GRIK3: variants seen among roughly 807,000 people sequenced by gnomAD.
GRIK3 encodes the protein glutamate receptor ionotropic, kainate 3.
In GRIK3, 29 loss-of-function variants were observed where a neutral mutation model predicts 102.5. The observed-to-expected ratio is 0.28, with a 90% CI of 0.21 to 0.39. The LOEUF (loss-of-function observed/expected upper bound fraction) is 0.39, where lower values mean the gene tolerates loss of function less well. GRIK3 is among the 10% of genes least tolerant of loss of function. GRIK3 has a pLI of 1.00. For missense variants in GRIK3, 908 were observed against 1,252.4 expected (o/e 0.73, Z 4.15); for synonymous variants, 511 against 504.9 (o/e 1.01, Z -0.16).
intron 1 of GRIK3, among the ~76,000 whole-genome samples, chr1:36,921,144 G>T (rs889450734): frequency 1.1e-4 from 16 of 152,266 alleles, no homozygotes; most frequent in African/African-American, 3.9e-4. Context: ...GCCATCCTTT[G>T]CTTTTGAAAA....
rs547576949 is a variant in GRIK3 at position 36,981,024 on chromosome 1, T to C, written c.115+52970A>G. Among the ~76,000 whole-genome samples, 135 of 152,362 alleles carry C rather than the reference T, an allele frequency of 8.9e-4. 1 individual carries two copies. The highest frequency in any genetic ancestry group is 3.1e-3 in the African/African-American group (129 of 41,578). ...GCTGAAACATACTGATTGCTGGATGTATACCAGCACTAAGTGTTTTACGTG... is the reference window on the plus strand; with the variant it reads ...GCTGAAACATACTGATTGCTGGATGCATACCAGCACTAAGTGTTTTACGTG... On this transcript the variant is annotated intron_variant, in intron 1 of 15. Transcript: ENST00000373091.
intron 9 of GRIK3, among the ~76,000 whole-genome samples, chr1:36,845,375 G>A (rs1384117994): frequency 6.6e-6 from 1 of 152,164 alleles, no homozygotes; most frequent in African/African-American, 2.4e-5. Flanking sequence ...CGGAAAACAG[G>A]GGTCCAGAAA....
chr1:36,863,889 A>C (rs979332643), intron 5 of GRIK3, among the ~76,000 whole-genome samples: 1 of 152,172 alleles, frequency 6.6e-6, no homozygotes, highest in African/African-American at 2.4e-5. Context: ...GCACTTAAGC[A>C]TCACTGAGAA....
chr1:36,850,835 TG>T lies in GRIK3; in HGVS notation c.1213-412del, dbSNP rs1309816143. Among the ~76,000 whole-genome samples the T allele has an allele frequency of 6.6e-6, 1 of 152,172 alleles. No homozygotes were observed. The highest frequency in any genetic ancestry group is 1.9e-4 in the East Asian group (1 of 5,180). ...TGGGACACAGTCTTTGTGGCTGTTT[TG>T]GGGTGGCAGCACAAGGAGGGGATGG... is the stretch of plus-strand genomic sequence containing the variant. On this transcript the variant is annotated intron_variant, in intron 8 of 15. Transcript: ENST00000373091. The surrounding 1 kb of genome is among the most constrained non-coding windows in gnomAD (Gnocchi z 4.0).
At chr1:36,946,130 G>A (rs1190911153) in intron 1 of GRIK3, among the ~76,000 whole-genome samples, 1 of 151,860 alleles carries the variant, frequency 6.6e-6, no homozygotes, top group Non-Finnish European at 1.5e-5. Flanking sequence ...GGTGCCTGAA[G>A]TTCCTCCATT....
chr1:37,010,257 A>G (rs1642579793), intron 1 of GRIK3, among the ~76,000 whole-genome samples: 1 of 152,238 alleles, frequency 6.6e-6, no homozygotes, highest in Admixed American at 6.5e-5. Flanking sequence ...TCAATCTCCC[A>G]GAGTTGCCTG....
chr1:37,010,692 C>A (rs77558132), intron 1 of GRIK3, among the ~76,000 whole-genome samples: 2 of 150,628 alleles, frequency 1.3e-5, no homozygotes, highest in East Asian at 3.9e-4. Context: ...CGAGTCACTG[C>A]GCCATCGCAG....
intron 13 of GRIK3, among the ~76,000 whole-genome samples, chr1:36,813,153 C>G (rs1467904691): frequency 6.6e-6 from 1 of 152,198 alleles, no homozygotes; most frequent in Non-Finnish European, 1.5e-5. Context: ...GTTCAAATCC[C>G]AGCTCTGCAT....
Position 36,880,560 on chromosome 1 carries a change from C to T in GRIK3, c.550+74G>A. 2.8e-6 allele frequency: 4 copies of T among 1,449,602 alleles called. No individual in the cohort carries two copies. The highest frequency in any genetic ancestry group is 2.3e-5 in the East Asian group (1 of 44,072). The allele number at this position is 1,449,602 out of a possible 1,614,324, so 89.8% of individuals were successfully genotyped here. On this transcript the variant is annotated intron_variant, in intron 3 of 15. Coordinates refer to ENST00000373091, the MANE Select transcript of GRIK3 (RefSeq NM_000831.4). The surrounding 1 kb of genome is among the most constrained non-coding windows in gnomAD (Gnocchi z 5.4). ...CCCCAGGGCAGCTGTGCTGAACAAA[C>T]AGACAAGAGCTTGATCCTGGGCCTC...
intron 1 of GRIK3, among the ~76,000 whole-genome samples, chr1:36,904,937 A>T (rs913792485): frequency 6.6e-6 from 1 of 152,186 alleles, no homozygotes; most frequent in African/African-American, 2.4e-5. Context: ...TGTTGTTGCA[A>T]TCAGAAAAGA....
chr1:36,880,761 C>A lies in GRIK3; in HGVS notation c.423G>T (p.Pro141=). Residue 141 remains proline, a synonymous_variant, in exon 3 of 16, where the codon CCG becomes CCT. Transcript: ENST00000373091. This position sits in a 1 kb window ranked among gnomAD's most constrained non-coding sequence, Gnocchi z 5.4. ...PHIQLRWKHH[P]LDNKDTFYVN... ...CGTAGAAGGTGTCCTTGTTGTCCAG[C>A]GGGTGGTGCTTCCAACGCAGCTGGA... The A allele has an allele frequency of 1.2e-6, 2 of 1,614,120 alleles. No homozygotes were observed. Among genetic ancestry groups the A allele is most frequent in the Admixed American group, 1.7e-5 (1 of 60,022 alleles).
chr1:36,899,988 T>C (rs1478701136), intron 1 of GRIK3, among the ~76,000 whole-genome samples: 1 of 152,210 alleles, frequency 6.6e-6, no homozygotes, highest in Non-Finnish European at 1.5e-5. Flanking sequence ...AATGGACTGA[T>C]CCAGTTGACA....
intron 8 of GRIK3, among the ~76,000 whole-genome samples, chr1:36,852,454 T>C (rs1382346565): frequency 6.6e-6 from 1 of 152,066 alleles, no homozygotes; most frequent in Non-Finnish European, 1.5e-5. Flanking sequence ...CAGGGAAATG[T>C]GGAAACGAGG....
At chr1:36,905,734 G>T (rs1482301476) in intron 1 of GRIK3, among the ~76,000 whole-genome samples, 1 of 152,026 alleles carries the variant, frequency 6.6e-6, no homozygotes, top group African/African-American at 2.4e-5. Context: ...GTGTTTTCTT[G>T]ATTTTTCCAA....
chr1:36,908,913 G>A (rs1570792888), intron 1 of GRIK3, among the ~76,000 whole-genome samples: 1 of 151,978 alleles, frequency 6.6e-6, no homozygotes, highest in Non-Finnish European at 1.5e-5. Context: ...AGCCCAACGG[G>A]TAAAACAAAT....
At chr1:36,874,469 G>A (rs1423252896) in intron 3 of GRIK3, among the ~76,000 whole-genome samples, 2 of 152,150 alleles carry the variant, frequency 1.3e-5, no homozygotes, top group Non-Finnish European at 2.9e-5. Flanking sequence ...GATCAAACAG[G>A]TGCCCTGTGC....
At chr1:36,957,946 T>C (rs1047490853) in intron 1 of GRIK3, among the ~76,000 whole-genome samples, 2 of 21,634 alleles carry the variant, frequency 9.2e-5, no homozygotes, top group Non-Finnish European at 1.8e-4. Flanking sequence ...AGCCTGTGTG[T>C]CCCATGACTC....
chr1:36,881,552 C>T (rs1640977084), intron 2 of GRIK3, among the ~76,000 whole-genome samples: 1 of 152,156 alleles, frequency 6.6e-6, no homozygotes, highest in Non-Finnish European at 1.5e-5. Context: ...TGTGGCTTCA[C>T]CTGCAAAATA....
chr1:36,869,240 G>A (rs889398980), intron 5 of GRIK3, among the ~76,000 whole-genome samples: 2 of 152,188 alleles, frequency 1.3e-5, no homozygotes, highest in Non-Finnish European at 2.9e-5. Flanking sequence ...GACAGTGAGT[G>A]GGCAGACTTC....
Sources: gnomAD v4.1 joint callset for allele counts (sites outside exome capture counted in the v4.1 genomes callset) on GRCh38, gnomAD v4.1.1 for gene constraint, Gnocchi (gnomAD v3.1) non-coding constraint, MANE v1.5 for transcripts, NCBI Gene and HGNC (gene_info 2026-07-23, HGNC 2026-07-21) for gene names.